Variants in CCDC93 observed in about 807,000 individuals in gnomAD.
CCDC93 encodes CCC complex scaffolding subunit CCDC93, also known as coiled-coil domain-containing protein 93.
A neutral mutation model predicts 108.2 loss-of-function variants in CCDC93; 61 were observed. The observed-to-expected ratio is 0.56, with a 90% CI of 0.46 to 0.70. CCDC93 has a LOEUF of 0.70. Among genes scored for constraint, CCDC93 ranks in the 30% least tolerant of loss-of-function variants. The probability of loss-of-function intolerance (pLI) is 0.00; values close to 1 mark genes in which losing one functional copy is unlikely to be tolerated. For synonymous variants in CCDC93, 276 were observed against 260.4 expected (o/e 1.06, Z -0.58); for missense variants, 685 against 764.2 (o/e 0.90, Z 1.22).
At position 117,935,561 on chromosome 2, in the gene CCDC93, A is replaced by G; in HGVS notation, c.1662T>C (p.Ala554=). ...TCTGACGTAAAAACTGGTCCCGGGC[A>G]GCAGGGGAGGCCATGGCCCTGAAAG... ...ENFSQAMASP[A]ARDQFLRQME... is the part of the protein sequence containing the mutation. Residue 554 remains alanine, a synonymous_variant, in exon 22 of 24, where the codon GCT becomes GCC. Transcript: ENST00000376300. The G allele has an allele frequency of 6.2e-7, 1 of 1,613,944 alleles. No homozygotes were observed. Among genetic ancestry groups the G allele is most frequent in the Non-Finnish European group, 8.5e-7 (1 of 1,179,834 alleles).
At chr2:117,965,370 T>C (rs1049622134) in intron 11 of CCDC93, among the ~76,000 whole-genome samples, 3 of 152,134 alleles carry the variant, frequency 2.0e-5, no homozygotes, top group African/African-American at 7.2e-5. Context: ...CAGATCAGGC[T>C]GATTTTCTAA....
intron 23 of CCDC93, chr2:117,930,570 G>C (rs942304466): frequency 2.0e-5 from 3 of 153,126 alleles, no homozygotes; most frequent in African/African-American, 7.2e-5. Flanking sequence ...GGAGGGATTA[G>C]GTCATTGCCA....
At chr2:117,927,097 C>T (rs1310452220) in intron 23 of CCDC93, among the ~76,000 whole-genome samples, 2 of 152,068 alleles carry the variant, frequency 1.3e-5, no homozygotes, top group Admixed American at 6.5e-5. Flanking sequence ...TCTCAATAAA[C>T]TAGGTATTGA....
Position 117,920,051 on chromosome 2 carries a change from A to AT in CCDC93, c.*291dup, listed in dbSNP as rs996804548. ...AGTCCATACAAATACAGGTACCTTC[A>AT]TAAGCGCAATGTTACTGGAGACATA... is the stretch of plus-strand genomic sequence containing the variant. On this transcript the variant is annotated 3_prime_UTR_variant, in exon 24 of 24. Coordinates refer to ENST00000376300, the MANE Select transcript of CCDC93 (RefSeq NM_019044.5). 2 of 279,466 alleles carry AT rather than the reference A, an allele frequency of 7.2e-6. No individual in the cohort carries two copies. The highest frequency in any genetic ancestry group is 4.3e-5 in the African/African-American group (2 of 46,588). 17.3% of individuals were successfully genotyped at this position (279,466 alleles called of 1,614,324 possible).
intron 11 of CCDC93, among the ~76,000 whole-genome samples, chr2:117,973,182 C>A (rs565447555): frequency 6.6e-6 from 1 of 152,102 alleles, no homozygotes; most frequent in African/African-American, 2.4e-5. Context: ...AGAGTCAGGG[C>A]AGAGCTAATT....
intron 12 of CCDC93, among the ~76,000 whole-genome samples, chr2:117,952,984 A>G (rs927580031): frequency 2.0e-5 from 3 of 152,230 alleles, no homozygotes; most frequent in Non-Finnish European, 2.9e-5. Context: ...TCCAACTTAC[A>G]TAACTGTAAA....
intron 18 of CCDC93, among the ~76,000 whole-genome samples, chr2:117,942,053 G>C (rs1381746274): frequency 6.6e-6 from 1 of 152,208 alleles, no homozygotes; most frequent in East Asian, 1.9e-4. Flanking sequence ...GGGGAAATAG[G>C]AGCCTCCTGG....
chr2:117,958,617 T>C, intron 11 of CCDC93, 136 bp from the exon 12 acceptor site: 1 of 652,998 alleles, frequency 1.5e-6, no homozygotes, highest in Non-Finnish European at 2.8e-6. Flanking sequence ...CAGAGGCCTG[T>C]TCAAAACCTG....
Position 118,000,812 on chromosome 2 carries a change from G to A in CCDC93, c.363+9C>T, listed in dbSNP as rs772197740. ...TTAAGAGGACAAGAAACCACACAGA[G>A]GCTCTCACCTGAACAACAGGAAATA... On this transcript the variant is annotated intron_variant, in intron 4 of 23. Transcript: ENST00000376300. 34 of 1,566,778 alleles carry A rather than the reference G, an allele frequency of 2.2e-5. No homozygotes were observed. In the Admixed American group the frequency reaches 5.5e-4, roughly 25 times the overall value.
intron 11 of CCDC93, among the ~76,000 whole-genome samples, chr2:117,963,237 T>G (rs946718469): frequency 2.6e-5 from 4 of 152,170 alleles, no homozygotes; most frequent in African/African-American, 9.7e-5. Flanking sequence ...AAAGACTTAT[T>G]CAAATACACC....
At chr2:117,938,273 A>G (rs1305343538) in intron 20 of CCDC93, among the ~76,000 whole-genome samples, 1 of 152,230 alleles carries the variant, frequency 6.6e-6, no homozygotes, top group African/African-American at 2.4e-5. Context: ...TGTTCTCTTC[A>G]GGACACTATG....
At chr2:117,984,707 C>T (rs1680259902) in intron 7 of CCDC93, among the ~76,000 whole-genome samples, 1 of 152,118 alleles carries the variant, frequency 6.6e-6, no homozygotes, top group African/African-American at 2.4e-5. Context: ...CTGCCAAGAA[C>T]TTCTTCATTC....
chr2:117,953,964 T>C (rs7606307), intron 12 of CCDC93, among the ~76,000 whole-genome samples: 1 of 152,154 alleles, frequency 6.6e-6, no homozygotes, highest in Non-Finnish European at 1.5e-5. Flanking sequence ...AAGCAGCAAC[T>C]AGGCATCATC....
chr2:117,951,817 T>A, intron 13 of CCDC93: 1 of 382,982 alleles, frequency 2.6e-6, no homozygotes, highest in Non-Finnish European at 3.7e-6. Context: ...TGATGTGAAG[T>A]AGCACACTTG....
At chr2:117,941,068 C>A (rs910197428) in intron 19 of CCDC93, 121 bp downstream of exon 19, 1 of 694,944 alleles carries the variant, frequency 1.4e-6, no homozygotes, top group Non-Finnish European at 2.5e-6. Flanking sequence ...TGAAACGGAG[C>A]TTTCCGGTGG....
chr2:117,982,553 G>A (rs1680178562), intron 7 of CCDC93, among the ~76,000 whole-genome samples: 1 of 152,204 alleles, frequency 6.6e-6, no homozygotes, highest in Non-Finnish European at 1.5e-5. Flanking sequence ...GGAAGGAGAT[G>A]GAATGCGGAC....
intron 6 of CCDC93, among the ~76,000 whole-genome samples, chr2:117,989,843 C>T (rs2104806037): frequency 6.6e-6 from 1 of 152,268 alleles, no homozygotes; most frequent in South Asian, 2.1e-4. Context: ...TAGTTCACTA[C>T]ATTTATATTT....
intron 12 of CCDC93, among the ~76,000 whole-genome samples, chr2:117,957,543 CA>C (rs1350670556): frequency 1.3e-5 from 2 of 152,204 alleles, no homozygotes; most frequent in Non-Finnish European, 2.9e-5. Flanking sequence ...GCTCCTGCAG[CA>C]AACAGAATGG....
chr2:117,996,233 T>A, intron 5 of CCDC93, 31 bp downstream of exon 5: 1 of 1,442,340 alleles, frequency 6.9e-7, no homozygotes. Context: ...TGTTTCTCAG[T>A]GGGACAAGAA....
Sources: gnomAD v4.1 joint callset for allele counts (sites outside exome capture counted in the v4.1 genomes callset) on GRCh38, gnomAD v4.1.1 for gene constraint, MANE v1.5 for transcripts, NCBI Gene and HGNC (gene_info 2026-07-23, HGNC 2026-07-21) for gene names.